Variants in TNIK observed in about 807,000 individuals in gnomAD.
TNIK encodes the protein TRAF2 and NCK-interacting protein kinase.
TNIK carries 49 observed loss-of-function variants against 191.3 expected under a neutral mutation model. The observed-to-expected ratio is 0.26, with a 90% CI of 0.20 to 0.32. The LOEUF (loss-of-function observed/expected upper bound fraction) is 0.32, where lower values mean the gene tolerates loss of function less well. Among genes scored for constraint, TNIK ranks in the 10% least tolerant of loss-of-function variants. The pLI is 1.00. For synonymous variants in TNIK, 594 were observed against 600.9 expected (o/e 0.99, Z 0.17); for missense variants, 1,155 against 1,702.3 (o/e 0.68, Z 5.66).
intron 2 of TNIK, among the ~76,000 whole-genome samples, chr3:171,269,214 G>C (rs1452424135): frequency 6.6e-6 from 1 of 151,852 alleles, no homozygotes; most frequent in Non-Finnish European, 1.5e-5. Flanking sequence ...AATTTATTTA[G>C]AGAGTAGCTA....
chr3:171,095,221 C>A (rs1259709312), intron 22 of TNIK, among the ~76,000 whole-genome samples: 1 of 152,226 alleles, frequency 6.6e-6, no homozygotes, highest in African/African-American at 2.4e-5. Flanking sequence ...TCCTGTAGCA[C>A]AGAGCACAGT....
chr3:171,101,358 T>C (rs1723527264), intron 22 of TNIK, 91 bp downstream of exon 22: 4 of 1,427,198 alleles, frequency 2.8e-6, no homozygotes, highest in Non-Finnish European at 3.8e-6. Context: ...CAGACCCATA[T>C]ACAATCTTAC....
At chr3:171,354,455 TAGC>T (rs1713711338) in intron 2 of TNIK, among the ~76,000 whole-genome samples, 1 of 152,104 alleles carries the variant, frequency 6.6e-6, no homozygotes, top group Non-Finnish European at 1.5e-5. Flanking sequence ...GGGCAGCTTG[TAGC>T]AGGACTCGGC....
intron 7 of TNIK, among the ~76,000 whole-genome samples, chr3:171,186,908 A>G (rs1177199179): frequency 1.3e-5 from 2 of 152,318 alleles, no homozygotes; most frequent in African/African-American, 4.8e-5. Context: ...GAGGACCAAA[A>G]TATCAGTTTA....
chr3:171,219,761 T>G (rs145881960), intron 3 of TNIK, among the ~76,000 whole-genome samples: 6,171 of 152,168 alleles, frequency 0.041, 145 homozygotes, highest in South Asian at 0.073. Flanking sequence ...GGAGAGGATG[T>G]GGAGAAACAA....
In TNIK at chr3:171,282,339, TTG is replaced by T. The variant is rs1211128641; in HGVS notation, c.124-54120_124-54119del. Among the ~76,000 whole-genome samples the T allele has an allele frequency of 2.6e-3, 210 of 80,070 alleles. 12 individuals are homozygous for T. Among genetic ancestry groups the T allele is most frequent in the African/African-American group, 7.1e-3 (149 of 21,062 alleles). 52.5% of individuals were successfully genotyped at this position (80,070 alleles called of 152,430 possible). On this transcript the variant is annotated intron_variant, in intron 2 of 32. Coordinates refer to ENST00000436636, the MANE Select transcript of TNIK (RefSeq NM_015028.4). ...ATCTGCAGATTCTCTTAATGGTTTT[TTG>T]TTTTTTTTTTTTTTTTTGAGATGGA...
chr3:171,221,385 C>T (rs1221548661), intron 3 of TNIK, among the ~76,000 whole-genome samples: 1 of 152,158 alleles, frequency 6.6e-6, no homozygotes, highest in Admixed American at 6.6e-5. Context: ...ACCTCCCCTA[C>T]CCCTTCACTT....
intron 2 of TNIK, among the ~76,000 whole-genome samples, chr3:171,322,841 T>C (rs1489996951): frequency 1.5e-4 from 1 of 6,826 alleles, no homozygotes; most frequent in South Asian, 2.1e-3. Flanking sequence ...TTTCTTTTCT[T>C]TTTTTTTTTT....
chr3:171,401,669 T>C (rs907861807), intron 1 of TNIK, among the ~76,000 whole-genome samples: 3 of 152,050 alleles, frequency 2.0e-5, no homozygotes, highest in Non-Finnish European at 2.9e-5. Context: ...AGGTACATCG[T>C]GGAGTGATTT....
chr3:171,081,481 G>A (rs1326912064), intron 27 of TNIK, among the ~76,000 whole-genome samples: 1 of 149,552 alleles, frequency 6.7e-6, no homozygotes, highest in African/African-American at 2.5e-5. Context: ...TTCTGACTCT[G>A]GTCTGGGGGT....
intron 3 of TNIK, among the ~76,000 whole-genome samples, chr3:171,218,886 TATTA>T (rs376227149): frequency 0.11 from 14,935 of 133,956 alleles, 975 homozygotes; most frequent in East Asian, 0.28. Context: ...TATTTTTATA[TATTA>T]TATATTTACA....
Position 171,063,946 on chromosome 3 carries a change from G to A in TNIK, c.4018C>T (p.Arg1340Ter). 2 of 1,613,502 alleles carry A rather than the reference G, an allele frequency of 1.2e-6. No homozygotes were observed. Among genetic ancestry groups the A allele is most frequent in the Non-Finnish European group, 1.7e-6 (2 of 1,179,632 alleles). Reference protein sequence around the residue: ...RNDKVFFASVRSGGSSQVFFM... With the variant: ...RNDKVFFASV ...AACACTTGGCTACTTCCTCCAGATC[G>A]CACGGATGCAAAAAATACCTGTTTG... is the stretch of plus-strand genomic sequence containing the variant. Residue 1340 changes from arginine to a stop codon, truncating the protein, a stop_gained, in exon 33 of 33, where the codon CGA becomes TGA. Transcript: ENST00000436636. LOFTEE classifies it high-confidence loss of function.
intron 2 of TNIK, among the ~76,000 whole-genome samples, chr3:171,294,882 C>T (rs755476371): frequency 7.9e-5 from 12 of 152,208 alleles, no homozygotes; most frequent in Middle Eastern, 3.4e-3. Context: ...ATGCCAATAA[C>T]GCTACTTGGG....
At chr3:171,121,837 G>C (rs140215337) in intron 18 of TNIK, among the ~76,000 whole-genome samples, 1 of 152,226 alleles carries the variant, frequency 6.6e-6, no homozygotes, top group African/African-American at 2.4e-5. Flanking sequence ...GCATAAAAAG[G>C]GGTGTTCTGT....
chr3:171,071,469 G>A, intron 28 of TNIK, 146 bp from the exon 29 acceptor site: 1 of 672,718 alleles, frequency 1.5e-6, no homozygotes, highest in East Asian at 2.9e-5. Flanking sequence ...CCTGGTGTGG[G>A]ATTTTTTCAT....
At chr3:171,442,837 C>G (rs899956685) in intron 1 of TNIK, among the ~76,000 whole-genome samples, 6 of 151,906 alleles carry the variant, frequency 3.9e-5, no homozygotes, top group Non-Finnish European at 7.3e-5. Context: ...TCTTCCCTTT[C>G]CCCCTCCCCC....
At chr3:171,414,772 T>G (rs1490736325) in intron 1 of TNIK, among the ~76,000 whole-genome samples, 3 of 152,230 alleles carry the variant, frequency 2.0e-5, no homozygotes, top group Non-Finnish European at 4.4e-5. Context: ...GGTTAAAGTA[T>G]CTATAGTATC....
chr3:171,261,754 C>G (rs1747646132), intron 2 of TNIK, among the ~76,000 whole-genome samples: 1 of 152,196 alleles, frequency 6.6e-6, no homozygotes, highest in South Asian at 2.1e-4. Flanking sequence ...GCGAGGCACC[C>G]TCTTCTAATG....
chr3:171,262,516 A>T (rs1023832769), intron 2 of TNIK, among the ~76,000 whole-genome samples: 3 of 152,260 alleles, frequency 2.0e-5, no homozygotes, highest in Non-Finnish European at 1.5e-5. Flanking sequence ...TCTTTCAGGC[A>T]TTCAGAACAG....
Sources: gnomAD v4.1 joint callset for allele counts (sites outside exome capture counted in the v4.1 genomes callset) on GRCh38, gnomAD v4.1.1 for gene constraint, MANE v1.5 for transcripts, NCBI Gene and HGNC (gene_info 2026-07-23, HGNC 2026-07-21) for gene names.